Variants in TBC1D2B observed in about 807,000 individuals in gnomAD.
TBC1D2B encodes TBC1 domain family, member 2B.
Under a neutral mutation model 100.8 loss-of-function variants are expected in TBC1D2B, and 64 were observed. That is an observed-to-expected ratio of 0.64 (90% CI 0.52 to 0.78). The LOEUF is 0.78. TBC1D2B is among the 30% of genes least tolerant of loss of function. The probability of loss-of-function intolerance (pLI) is 0.00; values close to 1 mark genes in which losing one functional copy is unlikely to be tolerated. For missense variants in TBC1D2B, 1,052 were observed against 1,218.4 expected, an observed-to-expected ratio of 0.86 and a Z score of 2.03; for synonymous variants, 480 against 479.7, an observed-to-expected ratio of 1.00 and a Z score of -0.01.
chr15:78,040,086 C>G (rs1411773311), intron 3 of TBC1D2B, among the ~76,000 whole-genome samples: 1 of 152,174 alleles, frequency 6.6e-6, no homozygotes, highest in Non-Finnish European at 1.5e-5. Context: ...AATACACGCT[C>G]AACCGCCACA....
intron 3 of TBC1D2B, among the ~76,000 whole-genome samples, chr15:78,036,608 C>T (rs559544499): frequency 6.6e-6 from 1 of 152,186 alleles, no homozygotes; most frequent in African/African-American, 2.4e-5. Context: ...TGAAGGAGGC[C>T]AGGAACTAAC....
chr15:78,074,711 T>C (rs1197642021), intron 1 of TBC1D2B, among the ~76,000 whole-genome samples: 5 of 152,206 alleles, frequency 3.3e-5, no homozygotes, highest in African/African-American at 9.6e-5. Context: ...TACATCCTTA[T>C]GATCTGTAGT....
intron 1 of TBC1D2B, among the ~76,000 whole-genome samples, chr15:78,055,713 T>G (rs1850480940): frequency 6.6e-6 from 1 of 152,232 alleles, no homozygotes; most frequent in South Asian, 2.1e-4. Context: ...TACAGGATCT[T>G]TGGGTATTTT....
At chr15:78,074,838 C>G (rs968608875) in intron 1 of TBC1D2B, among the ~76,000 whole-genome samples, 1 of 152,204 alleles carries the variant, frequency 6.6e-6, no homozygotes. Flanking sequence ...ACGTTGACAC[C>G]TATAGCTCTA....
At chr15:78,065,758 A>C (rs1160342863) in intron 1 of TBC1D2B, among the ~76,000 whole-genome samples, 2 of 152,112 alleles carry the variant, frequency 1.3e-5, no homozygotes, top group African/African-American at 4.8e-5. Flanking sequence ...ACTAGGGCAA[A>C]AGAATGACTG....
chr15:78,040,156 C>A (rs939111022), intron 3 of TBC1D2B, among the ~76,000 whole-genome samples: 3 of 152,262 alleles, frequency 2.0e-5, no homozygotes, highest in Admixed American at 2.0e-4. Context: ...CTCTTGCTTG[C>A]GCACTCCCAC....
At chr15:78,018,464 G>A (rs533797638) in intron 6 of TBC1D2B, among the ~76,000 whole-genome samples, 3 of 152,068 alleles carry the variant, frequency 2.0e-5, no homozygotes, top group South Asian at 2.1e-4. Flanking sequence ...GACCTAAAAC[G>A]TATAAGGCAC....
intron 3 of TBC1D2B, among the ~76,000 whole-genome samples, chr15:78,044,212 C>A (rs1422187692): frequency 6.6e-6 from 1 of 152,156 alleles, no homozygotes; most frequent in African/African-American, 2.4e-5. Context: ...GGAAGCACAA[C>A]TCTGTGAATA....
chr15:78,040,896 A>AAGAAAGAAAGAAAGAAAGAAAGAAAGAG (rs1273322028), intron 3 of TBC1D2B, among the ~76,000 whole-genome samples: 11 of 145,326 alleles, frequency 7.6e-5, no homozygotes, highest in Middle Eastern at 3.5e-3. Context: ...GAGAGAGAGA[A>AAGAAAGAAAGAAAGAAAGAAAGAAAGAG]AGAAAGAAAG....
chr15:78,017,964 G>T lies in TBC1D2B; in HGVS notation c.1471-7C>A, dbSNP rs1203585998. 1.7e-6 allele frequency: 2 copies of T among 1,182,122 alleles called. No homozygotes were observed. The highest frequency in any genetic ancestry group is 2.3e-6 in the Non-Finnish European group (2 of 867,754). 73.2% of individuals were successfully genotyped at this position (1,182,122 alleles called of 1,614,324 possible). A position where few individuals can be genotyped will look rare whatever the true frequency, so the allele number is the denominator to read the frequency against. ...TGTACCCCTGTAGATTATCCTGTTA[G>T]AAAAAAAAAAAATCCCTGAATTCAC... On this transcript the variant is annotated splice_polypyrimidine_tract_variant and splice_region_variant and intron_variant, in intron 6 of 12. Transcript: ENST00000300584.
rs914253706 is a variant in TBC1D2B at position 77,997,083 on chromosome 15, C to G, written c.*1077G>C. The G allele has an allele frequency of 1.3e-5, 2 of 152,470 alleles. No homozygotes were observed. Among genetic ancestry groups the G allele is most frequent in the African/African-American group, 4.8e-5 (2 of 41,456 alleles). The allele number at this position is 152,470 out of a possible 1,614,324, so 9.4% of individuals were successfully genotyped here. A position where few individuals can be genotyped will look rare whatever the true frequency, so the allele number is the denominator to read the frequency against. Reference sequence around the variant, plus strand: ...TGGGAGAGCTCACCCAAGCCTGCCCCAAGCAAAAAAGTTTCCCAGCCCCAG... The same window carrying G: ...TGGGAGAGCTCACCCAAGCCTGCCCGAAGCAAAAAAGTTTCCCAGCCCCAG... On this transcript the variant is annotated 3_prime_UTR_variant, in exon 13 of 13. Transcript: ENST00000300584.
Position 78,077,300 on chromosome 15 carries a change from ACCGTGACGGCTC to A in TBC1D2B, c.341_352del (p.Gly114_Thr117del). 1.3e-6 allele frequency: 2 copies of A among 1,515,508 alleles called. No individual in the cohort carries two copies. Among genetic ancestry groups the A allele is most frequent in the Non-Finnish European group, 1.8e-6 (2 of 1,133,762 alleles). The allele number at this position is 1,515,508 out of a possible 1,614,324, so 93.9% of individuals were successfully genotyped here. ...TGGGGCGAGCGGTCCCACCTTGAGCACCGTGACGGCTCCCGCGCTGTGCACCTGGAAGTGCGC... is the reference window on the plus strand; with the variant it reads ...TGGGGCGAGCGGTCCCACCTTGAGCACCGCGCTGTGCACCTGGAAGTGCGC... On this transcript the variant is annotated inframe_deletion, in exon 1 of 13. Coordinates refer to ENST00000300584, the MANE Select transcript of TBC1D2B (RefSeq NM_144572.2).
chr15:78,007,017 G>A (rs187240018), intron 10 of TBC1D2B, among the ~76,000 whole-genome samples: 1 of 152,360 alleles, frequency 6.6e-6, no homozygotes, highest in Admixed American at 6.5e-5. Flanking sequence ...ACAGCAGCAG[G>A]GGCCCGTGCC....
At chr15:78,016,439 A>T (rs1186571092) in intron 8 of TBC1D2B, 107 bp downstream of exon 8, 5 of 1,054,910 alleles carry the variant, frequency 4.7e-6, no homozygotes, top group Non-Finnish European at 6.9e-6. Context: ...CATGAGCACC[A>T]AATGAGACAC....
At chr15:78,026,909 A>C (rs1300930979) in intron 4 of TBC1D2B, among the ~76,000 whole-genome samples, 2 of 151,960 alleles carry the variant, frequency 1.3e-5, no homozygotes, top group Admixed American at 6.6e-5. Flanking sequence ...CTCAAAAAAA[A>C]AAAAAAAAGA....
intron 1 of TBC1D2B, among the ~76,000 whole-genome samples, chr15:78,076,647 G>C (rs2073833980): frequency 6.6e-6 from 1 of 152,148 alleles, no homozygotes; most frequent in African/African-American, 2.4e-5. Context: ...AGCTACTTGG[G>C]AGGCTGAGGT....
intron 10 of TBC1D2B, among the ~76,000 whole-genome samples, chr15:78,005,731 A>G (rs1487560645): frequency 6.6e-6 from 1 of 152,218 alleles, no homozygotes; most frequent in Non-Finnish European, 1.5e-5. Flanking sequence ...ACGGTTCTCC[A>G]GTTGGTAGAA....
At chr15:78,003,099 G>A (rs2071959770) in intron 11 of TBC1D2B, 4 of 526,950 alleles carry the variant, frequency 7.6e-6, no homozygotes, top group South Asian at 7.1e-5. Flanking sequence ...AGGGCTTGAT[G>A]TGGGTTGAAT....
Position 78,009,409 on chromosome 15 carries a change from G to A in TBC1D2B, c.2271-295C>T, listed in dbSNP as rs898941526. Reference sequence around the variant, plus strand: ...CCAAAAATCAGCCAGGAGTAGCGACGCACACCTGTAGTCCTAGCTACCCAG... The same window carrying A: ...CCAAAAATCAGCCAGGAGTAGCGACACACACCTGTAGTCCTAGCTACCCAG... On this transcript the variant is annotated intron_variant, in intron 9 of 12. Coordinates refer to ENST00000300584, the MANE Select transcript of TBC1D2B (RefSeq NM_144572.2). Among the ~76,000 whole-genome samples the A allele has an allele frequency of 3.9e-4, 60 of 152,146 alleles. 2 individuals carry two copies. The highest frequency in any genetic ancestry group is 3.7e-3 in the Admixed American group (57 of 15,288).
Sources: gnomAD v4.1 joint callset for allele counts (sites outside exome capture counted in the v4.1 genomes callset) on GRCh38, gnomAD v4.1.1 for gene constraint, MANE v1.5 for transcripts, NCBI Gene and HGNC (gene_info 2026-07-23, HGNC 2026-07-21) for gene names.